Variants in CFAP54 observed in about 807,000 individuals in gnomAD.
The protein encoded by CFAP54 is cilia and flagella associated protein 54, also known as cilia- and flagella-associated protein 54.
Under a neutral mutation model 370.4 loss-of-function variants are expected in CFAP54, and 290 were observed. The ratio of observed to expected loss-of-function variants is 0.78; its 90% CI spans 0.71 to 0.86. CFAP54 has a LOEUF of 0.86. CFAP54 is among the 40% of genes least tolerant of loss of function. CFAP54 has a pLI of 0.00. For synonymous variants in CFAP54, 1,206 were observed against 1,236.5 expected (o/e 0.98, Z 0.52); for missense variants, 3,399 against 3,528.7 (o/e 0.96, Z 0.93).
chr12:96,750,431 T>G (rs1280358032), intron 55 of CFAP54, among the ~76,000 whole-genome samples: 1 of 152,248 alleles, frequency 6.6e-6, no homozygotes, highest in Non-Finnish European at 1.5e-5. Context: ...GTTATTATTA[T>G]TGATCATTGT....
intron 32 of CFAP54, among the ~76,000 whole-genome samples, chr12:96,639,966 A>C (rs1956705879): frequency 6.6e-6 from 1 of 152,192 alleles, no homozygotes; most frequent in African/African-American, 2.4e-5. Context: ...ACCCACAGCC[A>C]ATATCATACT....
At chr12:96,874,354 T>A (rs1202246891) in intron 67 of CFAP54, among the ~76,000 whole-genome samples, 1 of 152,240 alleles carries the variant, frequency 6.6e-6, no homozygotes, top group African/African-American at 2.4e-5. Context: ...AATTTGCTTT[T>A]ATTTGCAATT....
At chr12:96,628,678 G>T (rs1184930816) in intron 30 of CFAP54, among the ~76,000 whole-genome samples, 1 of 152,164 alleles carries the variant, frequency 6.6e-6, no homozygotes, top group Non-Finnish European at 1.5e-5. Context: ...TGATTCTTAG[G>T]ATTGTTACAG....
intron 4 of CFAP54, among the ~76,000 whole-genome samples, chr12:96,507,534 TACACAC>T (rs34776926): frequency 1.1e-4 from 15 of 140,702 alleles, no homozygotes; most frequent in Admixed American, 4.2e-4. Flanking sequence ...CACACACACA[TACACAC>T]ACACACACAC....
chr12:96,634,046 CTTTTTTTTTT>C (rs71437232), intron 32 of CFAP54, among the ~76,000 whole-genome samples: 3 of 56,866 alleles, frequency 5.3e-5, no homozygotes, highest in South Asian at 1.8e-3. Flanking sequence ...TAGCGAACAT[CTTTTTTTTTT>C]TTTTTTTTTT....
chr12:96,645,370 T>C lies in CFAP54; in HGVS notation c.4547+962T>C, dbSNP rs545873669. On this transcript the variant is annotated intron_variant, in intron 33 of 67. Transcript: ENST00000524981. ...CACAATTGCTTCAAAGAGAATAAAATACCCAGGAATCCAACTTACAAGGGA... is the reference window on the plus strand; with the variant it reads ...CACAATTGCTTCAAAGAGAATAAAACACCCAGGAATCCAACTTACAAGGGA... 1.7e-4 allele frequency: 49 copies of C among 291,564 alleles called. No homozygotes were observed. In the East Asian group the frequency reaches 3.9e-3, roughly 23 times the overall value. The allele number at this position is 291,564 out of a possible 1,614,324, so 18.1% of individuals were successfully genotyped here.
chr12:96,608,308 T>C (rs1057123128), intron 26 of CFAP54, among the ~76,000 whole-genome samples: 62 of 150,790 alleles, frequency 4.1e-4, no homozygotes, highest in Middle Eastern at 3.4e-3. Flanking sequence ...CATATATATA[T>C]ACACACACAC....
At chr12:96,763,666 C>T (rs1958363275) in intron 58 of CFAP54, among the ~76,000 whole-genome samples, 1 of 152,074 alleles carries the variant, frequency 6.6e-6, no homozygotes, top group South Asian at 2.1e-4. Context: ...GTAGTCCCAG[C>T]TACTTGGGAG....
intron 4 of CFAP54, among the ~76,000 whole-genome samples, chr12:96,507,877 G>A (rs1377812608): frequency 2.6e-5 from 4 of 152,118 alleles, no homozygotes; most frequent in Non-Finnish European, 5.9e-5. Flanking sequence ...TGCCAGAGAT[G>A]AGGCCAACTT....
intron 65 of CFAP54, among the ~76,000 whole-genome samples, chr12:96,826,967 T>G (rs1443122118): frequency 2.3e-5 from 3 of 129,950 alleles, no homozygotes; most frequent in Non-Finnish European, 4.6e-5. Flanking sequence ...AATATGCAAT[T>G]ATATATGATT....
chr12:96,538,509 TACTA>T lies in CFAP54; in HGVS notation c.1920_1923del (p.Lys642GlyfsTer8). On this transcript the variant is annotated frameshift_variant, in exon 13 of 68. Transcript: ENST00000524981. LOFTEE classifies it high-confidence loss of function. ...ATGCAAAATTCACCCAGAAAATCAG[TACTA>T]ACAAAGTATTCCTTTCGCATTCCCT... 6.5e-7 allele frequency: 1 copy of T among 1,536,144 alleles called. No homozygotes were observed. The highest frequency in any genetic ancestry group is 8.7e-7 in the Non-Finnish European group (1 of 1,146,842).
rs1163445352 is a variant in CFAP54, at chr12:96,489,724, A to G, written c.115A>G (p.Lys39Glu). ...TATSRSPPESKGSSRSSLLQW... is the reference protein window; with the variant it reads ...TATSRSPPESEGSSRSSLLQW... The stretch of plus-strand genomic sequence containing the variant: ...GACTTCGAGGTCGCCCCCAGAGTCG[A>G]AGGGGAGCTCCCGGAGCTCGCTGCT... Residue 39 changes from lysine to glutamate, a missense_variant, in exon 1 of 68, where the codon AAG becomes GAG. By Grantham distance (56) the Lys-to-Glu change is moderately conservative. This residue lies in a region of CFAP54 where 559 missense variants were observed against 576.7 expected (regional missense o/e 0.97). Transcript: ENST00000524981. The G allele has an allele frequency of 3.1e-5, 48 of 1,535,940 alleles. No homozygotes were observed. Among genetic ancestry groups the G allele is most frequent in the Non-Finnish European group, 4.0e-5 (46 of 1,146,882 alleles).
At chr12:96,836,182 T>C (rs1297409695) in intron 66 of CFAP54, among the ~76,000 whole-genome samples, 1 of 152,144 alleles carries the variant, frequency 6.6e-6, no homozygotes, top group Non-Finnish European at 1.5e-5. Flanking sequence ...GGTTTTAAGT[T>C]ATTCAGTGAA....
chr12:96,654,991 T>C (rs542823858), intron 36 of CFAP54, among the ~76,000 whole-genome samples: 1 of 151,990 alleles, frequency 6.6e-6, no homozygotes, highest in East Asian at 1.9e-4. Flanking sequence ...TTGAAATTCA[T>C]TTTAAAATTT....
At chr12:96,499,976 AC>A (rs1955007329) in intron 1 of CFAP54, among the ~76,000 whole-genome samples, 1 of 151,366 alleles carries the variant, frequency 6.6e-6, no homozygotes, top group African/African-American at 2.4e-5. Context: ...ACAAAACAAA[AC>A]AAAACAAAAA....
chr12:96,720,833 C>A (rs1219570268), intron 50 of CFAP54, among the ~76,000 whole-genome samples: 1 of 151,918 alleles, frequency 6.6e-6, no homozygotes. Flanking sequence ...ACCAGGCTGG[C>A]CAACACGAAG....
chr12:96,550,225 GTGA>G (rs367980759), intron 15 of CFAP54, among the ~76,000 whole-genome samples: 9 of 152,214 alleles, frequency 5.9e-5, no homozygotes, highest in Non-Finnish European at 1.3e-4. Flanking sequence ...GGTAGTGATG[GTGA>G]TGATGATGAT....
chr12:96,707,019 G>T (rs1957554475), intron 47 of CFAP54, among the ~76,000 whole-genome samples: 1 of 152,094 alleles, frequency 6.6e-6, no homozygotes, highest in Non-Finnish European at 1.5e-5. Flanking sequence ...GATCACCTAA[G>T]GGGAGGGAGT....
intron 63 of CFAP54, among the ~76,000 whole-genome samples, chr12:96,801,921 CA>C (rs1428250815): frequency 6.6e-6 from 1 of 152,102 alleles, no homozygotes; most frequent in African/African-American, 2.4e-5. Flanking sequence ...CTCTCCTATG[CA>C]TATCTAGGAT....
Sources: gnomAD v4.1 joint callset for allele counts (sites outside exome capture counted in the v4.1 genomes callset) on GRCh38, gnomAD v4.1.1 for gene constraint, gnomAD v4.1.1 regional missense constraint, MANE v1.5 for transcripts, NCBI Gene and HGNC (gene_info 2026-07-23, HGNC 2026-07-21) for gene names.